The following PGBD2 variants were observed in gnomAD, a reference collection of about 807,000 sequenced individuals.
The protein encoded by PGBD2 is piggyBac transposable element derived 2.
PGBD2 carries 6 observed loss-of-function variants against 8.1 expected under a neutral mutation model. That is an observed-to-expected ratio of 0.74 (90% confidence interval 0.40 to 1.46). PGBD2 has a LOEUF of 1.46. Among genes scored for constraint, PGBD2 ranks in the 40% most tolerant of loss-of-function variants. The probability of loss-of-function intolerance (pLI) is 0.02; values close to 1 mark genes in which losing one functional copy is unlikely to be tolerated. For synonymous variants in PGBD2, 318 were observed against 272.2 expected (o/e 1.17, Z -1.66); for missense variants, 802 against 739.0 (o/e 1.09, Z -0.99).
downstream of PGBD2, among the ~76,000 whole-genome samples, chr1:248,923,116 T>A (rs1662319475): frequency 6.6e-6 from 1 of 152,230 alleles, no homozygotes; most frequent in African/African-American, 2.4e-5. Context: ...AGGCTATTAA[T>A]TACAGTCTCA....
At chr1:248,922,708 A>G (rs1662312140), downstream of PGBD2, among the ~76,000 whole-genome samples, 1 of 152,226 alleles carries the variant, frequency 6.6e-6, no homozygotes. Context: ...GCATCTATAG[A>G]GATAATCATG....
the PGBD2 span, among the ~76,000 whole-genome samples, chr1:248,925,841 C>T: frequency 6.6e-6 from 1 of 152,086 alleles, no homozygotes; most frequent in Non-Finnish European, 1.5e-5. Flanking sequence ...GGCCCTGGCT[C>T]CAGGATCCTG....
At chr1:248,880,982 T>C in the PGBD2 span, among the ~76,000 whole-genome samples, 1 of 152,184 alleles carries the variant, frequency 6.6e-6, no homozygotes, top group Admixed American at 6.6e-5. Context: ...ACTTGTAGCA[T>C]GATGTGTCTC....
the PGBD2 span, among the ~76,000 whole-genome samples, chr1:248,891,843 T>C: frequency 6.6e-6 from 1 of 152,174 alleles, no homozygotes; most frequent in Non-Finnish European, 1.5e-5. Flanking sequence ...GAAAAAAAAG[T>C]GTTTTTGAAG....
the PGBD2 span, among the ~76,000 whole-genome samples, chr1:248,873,897 G>A: frequency 0.035 from 5,301 of 152,300 alleles, 302 homozygotes; most frequent in African/African-American, 0.12. Flanking sequence ...CTCAAGGTAA[G>A]CACCTTGCCT....
At chr1:248,874,019 G>T in the PGBD2 span, among the ~76,000 whole-genome samples, 2 of 152,120 alleles carry the variant, frequency 1.3e-5, no homozygotes, top group Non-Finnish European at 2.9e-5. Context: ...CCCGGAGTCC[G>T]TTGGTATTTT....
chr1:248,873,848 TCCGAGTGTCAGGATGG>T, the PGBD2 span, among the ~76,000 whole-genome samples: 6 of 152,196 alleles, frequency 3.9e-5, no homozygotes, highest in Non-Finnish European at 5.9e-5. Flanking sequence ...GCGCTCTGCT[TCCGAGTGTCAGGATGG>T]CCGAGTGGTC....
upstream of PGBD2, among the ~76,000 whole-genome samples, chr1:248,902,762 C>G (rs1290080040): frequency 6.6e-6 from 1 of 152,160 alleles, no homozygotes; most frequent in Non-Finnish European, 1.5e-5. Context: ...AAACCCAACA[C>G]CACATGTTCT....
chr1:248,921,946 G>A (rs1002825358), downstream of PGBD2, among the ~76,000 whole-genome samples: 10 of 152,078 alleles, frequency 6.6e-5, no homozygotes, highest in Admixed American at 6.5e-4. Context: ...TGTTATTGGT[G>A]TATAGGAATG....
At chr1:248,891,987 G>A in the PGBD2 span, among the ~76,000 whole-genome samples, 4 of 152,168 alleles carry the variant, frequency 2.6e-5, no homozygotes, top group South Asian at 2.1e-4. Context: ...AAAAGGCGTC[G>A]CCTGTGTCAA....
the PGBD2 span, among the ~76,000 whole-genome samples, chr1:248,897,856 C>T: frequency 6.6e-6 from 1 of 152,230 alleles, no homozygotes; most frequent in East Asian, 1.9e-4. Context: ...AAAGGGGCAG[C>T]TGCCATCTCT....
the PGBD2 span, among the ~76,000 whole-genome samples, chr1:248,873,957 G>GAGA: frequency 1.3e-5 from 2 of 152,204 alleles, no homozygotes; most frequent in Non-Finnish European, 2.9e-5. Context: ...TCCCACTTCT[G>GAGA]ACACATTCGT....
chr1:248,890,134 T>C, the PGBD2 span, among the ~76,000 whole-genome samples: 2 of 151,866 alleles, frequency 1.3e-5, no homozygotes. Context: ...TCCATGTTGG[T>C]CATGCTGGTC....
At chr1:248,890,194 T>C in the PGBD2 span, among the ~76,000 whole-genome samples, 2 of 152,172 alleles carry the variant, frequency 1.3e-5, 1 homozygote, top group South Asian at 4.1e-4. Context: ...CCCACAGTGC[T>C]GGGTTACAGG....
downstream of PGBD2, among the ~76,000 whole-genome samples, chr1:248,921,125 G>A (rs1321352935): frequency 6.6e-6 from 1 of 152,078 alleles, no homozygotes; most frequent in East Asian, 1.9e-4. Flanking sequence ...ATTTTGCTGT[G>A]CAGAAGCTCT....
intron 1 of PGBD2, among the ~76,000 whole-genome samples, chr1:248,911,613 G>A (rs1359288287): frequency 2.7e-5 from 4 of 145,800 alleles, no homozygotes; most frequent in Non-Finnish European, 4.4e-5. Flanking sequence ...ATCCTGGCCC[G>A]TTCTCAATGA....
At chr1:248,886,711 G>C in the PGBD2 span, among the ~76,000 whole-genome samples, 1 of 152,222 alleles carries the variant, frequency 6.6e-6, no homozygotes, top group African/African-American at 2.4e-5. Flanking sequence ...CCAGCTGTGT[G>C]GCCCCAGCCT....
At chr1:248,884,556 AG>A in the PGBD2 span, among the ~76,000 whole-genome samples, 1 of 152,198 alleles carries the variant, frequency 6.6e-6, no homozygotes, top group South Asian at 2.1e-4. Flanking sequence ...CCTATCAGCC[AG>A]GATGGTCTTG....
chr1:248,879,245 T>C, the PGBD2 span, among the ~76,000 whole-genome samples: 5 of 152,328 alleles, frequency 3.3e-5, no homozygotes, highest in South Asian at 1.0e-3. Flanking sequence ...AGTCTGATTT[T>C]CTTCTGAGTT....
Sources: gnomAD v4.1 joint callset for allele counts (sites outside exome capture counted in the v4.1 genomes callset) on GRCh38, gnomAD v4.1.1 for gene constraint, MANE v1.5 for transcripts, NCBI Gene and HGNC (gene_info 2026-07-23, HGNC 2026-07-21) for gene names.